INSYN2A: variants seen among roughly 807,000 people sequenced by gnomAD.
INSYN2A encodes the protein family with sequence similarity 196 member A.
INSYN2A carries 17 observed loss-of-function variants against 39.4 expected under a neutral mutation model. The observed-to-expected ratio is 0.43, with a 90% CI of 0.30 to 0.65. INSYN2A has a LOEUF of 0.65. Ranked by LOEUF, INSYN2A falls within the 30% of genes least tolerant of loss-of-function variation. The pLI, the probability that INSYN2A is intolerant of heterozygous loss-of-function variation, is 0.14. For synonymous variants in INSYN2A, 255 were observed against 265.7 expected, an observed-to-expected ratio of 0.96 and a Z score of 0.39; for missense variants, 595 against 631.2, an observed-to-expected ratio of 0.94 and a Z score of 0.61.
At chr10:127,195,376 C>T (rs572127971) in intron 1 of INSYN2A, among the ~76,000 whole-genome samples, 83 of 152,300 alleles carry the variant, frequency 5.4e-4, no homozygotes, top group African/African-American at 1.9e-3. Context: ...ACCGGGAAGC[C>T]CCGCGGCGCC....
At position 127,153,795 on chromosome 10, in the gene INSYN2A, G is replaced by T. The variant is rs892861908; in HGVS notation, c.1256+57C>A. On this transcript the variant is annotated intron_variant, in intron 5 of 5. Coordinates refer to ENST00000522781, the MANE Select transcript of INSYN2A (RefSeq NM_001039762.3). ...CCCCAGATCGTTCTTGCATTTGTGG[G>T]TAAACATCATTTGTCACTCATAATA... The T allele has an allele frequency of 7.4e-6, 10 of 1,357,556 alleles. No homozygotes were observed. The South Asian group carries it at 1.1e-4, about 14-fold the overall frequency. 84.1% of individuals were successfully genotyped at this position (1,357,556 alleles called of 1,614,324 possible). A position where few individuals can be genotyped will look rare whatever the true frequency, so the allele number is the denominator to read the frequency against.
chr10:127,181,804 T>C (rs1343763127), intron 2 of INSYN2A, among the ~76,000 whole-genome samples: 1 of 152,196 alleles, frequency 6.6e-6, no homozygotes, highest in Non-Finnish European at 1.5e-5. Flanking sequence ...ACTCACATTG[T>C]GAAATAGTTA....
chr10:127,144,734 G>A (rs2489393), intron 5 of INSYN2A, among the ~76,000 whole-genome samples: 152,305 of 152,346 alleles, frequency 1, 76,132 homozygotes, highest in Non-Finnish European at 1. Context: ...GTAGTTAACT[G>A]GCTTTTCAAC....
At chr10:127,143,160 T>C (rs578091196) in intron 5 of INSYN2A, among the ~76,000 whole-genome samples, 3 of 152,210 alleles carry the variant, frequency 2.0e-5, no homozygotes, top group African/African-American at 7.2e-5. Context: ...CTCAAGATAA[T>C]TTAAGAGGAA....
intron 4 of INSYN2A, among the ~76,000 whole-genome samples, chr10:127,160,324 C>A (rs2053487913): frequency 6.6e-6 from 1 of 152,156 alleles, no homozygotes; most frequent in Admixed American, 6.5e-5. Flanking sequence ...AGTCTCACAA[C>A]ACTGTTTCCT....
chr10:127,139,743 C>G (rs1460316797), intron 5 of INSYN2A, among the ~76,000 whole-genome samples: 1 of 152,156 alleles, frequency 6.6e-6, no homozygotes, highest in African/African-American at 2.4e-5. Context: ...AATTCTTTCA[C>G]TTCAAGGGGG....
rs565933242 is a variant in INSYN2A, at chr10:127,195,833, G to A, written c.-395+164C>T. Among the ~76,000 whole-genome samples the A allele has an allele frequency of 4.5e-3, 680 of 152,260 alleles. 6 individuals carry two copies. The highest frequency in any genetic ancestry group is 0.016 in the African/African-American group (651 of 41,574). On this transcript the variant is annotated intron_variant, in intron 1 of 5. Transcript: ENST00000522781. ...CACCGGGTCCGCTCCCGGCTGCACC[G>A]GGGTGTCCCGGCCCCGGGAGCCGCC...
Position 127,175,537 on chromosome 10 carries a change from C to T in INSYN2A, c.859G>A (p.Glu287Lys), listed in dbSNP as rs149479141. Residue 287 changes from glutamate to lysine, a missense_variant, in exon 4 of 6, where the codon GAG becomes AAG. Physicochemically the swap from Glu to Lys is moderately conservative, Grantham distance 56 (BLOSUM62 1). Around this residue, in one of 2 missense-constraint regions of INSYN2A, gnomAD observed 478 missense variants for 467.4 expected, o/e 1.02. Coordinates refer to ENST00000522781, the MANE Select transcript of INSYN2A (RefSeq NM_001039762.3). This position sits in a 1 kb window ranked among gnomAD's most constrained non-coding sequence, Gnocchi z 6.3. Reference sequence around the variant, plus strand: ...TTGAGATGTGTGGCTCTCCTCCGCTCGTCATCTGCCGGGCAGAGTGACCAC... The same window carrying T: ...TTGAGATGTGTGGCTCTCCTCCGCTTGTCATCTGCCGGGCAGAGTGACCAC... ...SQWSLCPADD[E>K]RRRATHLNGL... is the part of the protein sequence containing the mutation. 8.7e-6 allele frequency: 14 copies of T among 1,610,504 alleles called. No homozygotes were observed. The highest frequency in any genetic ancestry group is 4.4e-5 in the South Asian group (4 of 91,076).
chr10:127,137,545 A>G lies in INSYN2A; in HGVS notation c.*292T>C, dbSNP rs984037179. ...CAGGTTGATAATGTATTACTTGCAG[A>G]TCGGGGGTGGGGGAAAATTTTTACT... On this transcript the variant is annotated 3_prime_UTR_variant, in exon 6 of 6. Coordinates refer to ENST00000522781, the MANE Select transcript of INSYN2A (RefSeq NM_001039762.3). 9 of 307,944 alleles carry G rather than the reference A, an allele frequency of 2.9e-5. No individual in the cohort carries two copies. Among genetic ancestry groups the G allele is most frequent in the Admixed American group, 2.8e-4 (6 of 21,768 alleles). The allele number at this position is 307,944 out of a possible 1,614,324, so 19.1% of individuals were successfully genotyped here. A position where few individuals can be genotyped will look rare whatever the true frequency, so the allele number is the denominator to read the frequency against.
At chr10:127,138,894 T>C (rs1476641146) in intron 5 of INSYN2A, among the ~76,000 whole-genome samples, 1 of 152,228 alleles carries the variant, frequency 6.6e-6, no homozygotes. Context: ...AAGGACCACA[T>C]TTGATCTTCT....
At chr10:127,145,383 C>T (rs973450461) in intron 5 of INSYN2A, among the ~76,000 whole-genome samples, 3 of 152,190 alleles carry the variant, frequency 2.0e-5, no homozygotes, top group African/African-American at 4.8e-5. Context: ...GCCAGGAAGA[C>T]GAGTCATGAT....
intron 4 of INSYN2A, among the ~76,000 whole-genome samples, chr10:127,161,203 C>G (rs2053564304): frequency 6.6e-6 from 1 of 152,188 alleles, no homozygotes; most frequent in Admixed American, 6.5e-5. Context: ...TCACCATATA[C>G]TCATGGAAAC....
At position 127,176,379 on chromosome 10, in the gene INSYN2A, G is replaced by A; in HGVS notation, c.17C>T (p.Thr6Ile). The A allele has an allele frequency of 6.2e-7, 1 of 1,608,638 alleles. No individual in the cohort carries two copies. The highest frequency in any genetic ancestry group is 1.1e-5 in the South Asian group (1 of 90,528). Reference sequence around the variant, plus strand: ...CGACGTTGTGAGTATGCATTTGCCGGTGTCCTTACTGACCATGGTTCCTGC... The same window carrying A: ...CGACGTTGTGAGTATGCATTTGCCGATGTCCTTACTGACCATGGTTCCTGC... Reference protein sequence around the residue: MVSKDTGKCILTTSES... With the variant: MVSKDIGKCILTTSES... Residue 6 changes from threonine to isoleucine, a missense_variant, in exon 4 of 6, where the codon ACC becomes ATC. Coordinates refer to ENST00000522781, the MANE Select transcript of INSYN2A (RefSeq NM_001039762.3). The surrounding 1 kb of genome is among the most constrained non-coding windows in gnomAD (Gnocchi z 4.4).
At chr10:127,181,577 T>G (rs1177650816) in intron 2 of INSYN2A, among the ~76,000 whole-genome samples, 1 of 152,180 alleles carries the variant, frequency 6.6e-6, no homozygotes, top group Admixed American at 6.6e-5. Context: ...TTATGGGTTT[T>G]CCTAGTGGCT....
chr10:127,166,130 A>G (rs969152323), intron 4 of INSYN2A, among the ~76,000 whole-genome samples: 3 of 152,156 alleles, frequency 2.0e-5, no homozygotes, highest in African/African-American at 4.8e-5. Context: ...CAGGGGCACA[A>G]TCTCGGCTCA....
At chr10:127,141,280 T>C (rs981228110) in intron 5 of INSYN2A, among the ~76,000 whole-genome samples, 2 of 152,260 alleles carry the variant, frequency 1.3e-5, no homozygotes, top group African/African-American at 4.8e-5. Flanking sequence ...TCTTCTCGAA[T>C]GCAGGCACCA....
At chr10:127,171,807 A>G (rs758943925) in intron 4 of INSYN2A, among the ~76,000 whole-genome samples, 5 of 152,108 alleles carry the variant, frequency 3.3e-5, no homozygotes, top group Admixed American at 6.5e-5. Context: ...GGGTTCAAGC[A>G]ATTCTCCTGC....
Position 127,190,683 on chromosome 10 carries a change from C to T in INSYN2A, c.-269+1922G>A, listed in dbSNP as rs1436783984. ...CCTATCTTCCCCCCCCCCCCCCCCC[C>T]GTTCCTGCTGGCTCCCAGATTTCTG... On this transcript the variant is annotated intron_variant, in intron 2 of 5. Transcript: ENST00000522781. 5.6e-4 allele frequency among the ~76,000 whole-genome samples: 34 copies of T among 61,216 alleles called. 1 individual carries two copies. The highest frequency in any genetic ancestry group is 1.7e-3 in the African/African-American group (28 of 16,858). The allele number at this position is 61,216 out of a possible 152,430, so 40.2% of individuals were successfully genotyped here.
intron 2 of INSYN2A, among the ~76,000 whole-genome samples, chr10:127,189,208 T>C (rs993629035): frequency 5.3e-5 from 8 of 152,374 alleles, no homozygotes; most frequent in Non-Finnish European, 8.8e-5. Context: ...CTTAGACTTA[T>C]ACTTTAAAGC....
Sources: allele counts gnomAD v4.1 joint callset (sites outside exome capture counted in the v4.1 genomes callset), GRCh38; gene constraint gnomAD v4.1.1; regional missense constraint gnomAD v4.1.1; non-coding constraint Gnocchi (gnomAD v3.1); transcripts MANE v1.5; gene names NCBI Gene and HGNC (gene_info 2026-07-23, HGNC 2026-07-21).